Variants in FAT1 observed in about 807,000 individuals in gnomAD.
The protein encoded by FAT1 is FAT atypical cadherin 1, also known as protocadherin Fat 1.
FAT1 carries 171 observed loss-of-function variants against 329.8 expected under a neutral mutation model. The ratio of observed to expected loss-of-function variants is 0.52; its 90% CI spans 0.46 to 0.59. The LOEUF (loss-of-function observed/expected upper bound fraction) is 0.59, where lower values mean the gene tolerates loss of function less well. Ranked by LOEUF, FAT1 falls within the 20% of genes least tolerant of loss-of-function variation. FAT1 has a pLI of 0.00. For synonymous variants in FAT1, 2,233 were observed against 2,228.6 expected (o/e 1.00, Z -0.06); for missense variants, 5,672 against 5,774.4 (o/e 0.98, Z 0.57).
rs2126492656 is a variant in FAT1 at position 186,618,230 on chromosome 4, C to T, written c.8356G>A (p.Asp2786Asn). 1.9e-6 allele frequency: 3 copies of T among 1,614,034 alleles called. No homozygotes were observed. The highest frequency in any genetic ancestry group is 8.5e-7 in the Non-Finnish European group (1 of 1,179,910). ...FSILARCTQD[D>N]HEMVASVDVS... ...TCTACAGAAGCCACCATCTCATGGT[C>T]ATCTTGAGTGCACCTGGCCAGTATG... The change falls in exon 10 of 27, where the codon GAC (aspartate) becomes AAC (asparagine). Residue 2786 changes from aspartate (D) to asparagine (N), a missense_variant. By Grantham distance (23) the Asp-to-Asn change is conservative. This residue lies in a region of FAT1 where 3,966 missense variants were observed against 3,915.2 expected (regional missense o/e 1.01). Transcript: ENST00000441802.
intron 1 of FAT1, among the ~76,000 whole-genome samples, chr4:186,722,017 T>C (rs1745489295): frequency 6.6e-6 from 1 of 152,190 alleles, no homozygotes; most frequent in Non-Finnish European, 1.5e-5. Flanking sequence ...TTTGTATTTT[T>C]AGTAGAGACG....
Position 186,695,813 on chromosome 4 carries a change from C to T in FAT1, c.3265+10750G>A, listed in dbSNP as rs956182632. On this transcript the variant is annotated intron_variant, in intron 2 of 26. Coordinates refer to ENST00000441802, the MANE Select transcript of FAT1 (RefSeq NM_005245.4). ...CACACACACACACACATTTTTGAGACGGAGTTTCACTCTTGTCCCCCAGGC... is the reference window on the plus strand; with the variant it reads ...CACACACACACACACATTTTTGAGATGGAGTTTCACTCTTGTCCCCCAGGC... 5.6e-5 allele frequency among the ~76,000 whole-genome samples: 8 copies of T among 143,648 alleles called. No individual in the cohort carries two copies. The South Asian group carries it at 6.7e-4, about 12-fold the overall frequency. The allele number at this position is 143,648 out of a possible 152,430, so 94.2% of individuals were successfully genotyped here.
intron 6 of FAT1, among the ~76,000 whole-genome samples, 153 bp from the exon 7 acceptor site, chr4:186,633,976 A>G (rs937085531): frequency 6.6e-6 from 1 of 152,238 alleles, no homozygotes; most frequent in Admixed American, 6.5e-5. Context: ...AGAGTGGCCA[A>G]TTAGAAAGAC....
At chr4:186,713,156 T>C (rs1470500582) in intron 1 of FAT1, among the ~76,000 whole-genome samples, 1 of 151,876 alleles carries the variant, frequency 6.6e-6, no homozygotes, top group African/African-American at 2.4e-5. Flanking sequence ...AATTTGCTCA[T>C]TTTACCCAAG....
chr4:186,605,763 G>A (rs1007031676), intron 17 of FAT1, among the ~76,000 whole-genome samples: 2 of 148,072 alleles, frequency 1.4e-5, no homozygotes, highest in African/African-American at 5.0e-5. Context: ...AGAGGGAAGA[G>A]GAAGGTCAAG....
intron 2 of FAT1, among the ~76,000 whole-genome samples, chr4:186,682,341 A>G (rs1743254513): frequency 6.6e-6 from 1 of 152,116 alleles, no homozygotes; most frequent in African/African-American, 2.4e-5. Context: ...AGCCTGGTCA[A>G]CATGGGGAAA....
intron 1 of FAT1, among the ~76,000 whole-genome samples, chr4:186,718,760 C>T (rs775043855): frequency 1.3e-5 from 2 of 152,138 alleles, no homozygotes; most frequent in Non-Finnish European, 2.9e-5. Context: ...TTTATACTGG[C>T]AAAGATCGCA....
intron 2 of FAT1, among the ~76,000 whole-genome samples, chr4:186,705,168 T>C (rs1373298503): frequency 6.7e-6 from 1 of 149,794 alleles, no homozygotes; most frequent in East Asian, 2.0e-4. Flanking sequence ...GGTCTTGAAC[T>C]CCTGGCCTCA....
At position 186,633,795 on chromosome 4, in the gene FAT1, C is replaced by T. The variant is rs1236832954; in HGVS notation, c.4212G>A (p.Val1404=). 1.4e-5 allele frequency: 22 copies of T among 1,613,788 alleles called. No homozygotes were observed. The highest frequency in any genetic ancestry group is 1.8e-5 in the Non-Finnish European group (21 of 1,179,874). ...TGGNYDSHFD[V]DKGTGTIIVA... Reference sequence around the variant, plus strand: ...CAATGATGGTTCCAGTTCCCTTGTCCACATCGAAGTGACTGTCGTAGTTGC... The same window carrying T: ...CAATGATGGTTCCAGTTCCCTTGTCTACATCGAAGTGACTGTCGTAGTTGC... Residue 1404 remains valine (V), a synonymous_variant, in exon 7 of 27, where the codon GTG becomes GTA. Coordinates refer to ENST00000441802, the MANE Select transcript of FAT1 (RefSeq NM_005245.4).
At position 186,619,710 on chromosome 4, in the gene FAT1, C is replaced by T. The variant is rs1172027889; in HGVS notation, c.6876G>A (p.Leu2292=). Residue 2292 remains leucine (L), a synonymous_variant, in exon 10 of 27, where the codon CTG becomes CTA. Transcript: ENST00000441802. ...ACGTTCCAATTACAGATGCCTCAGA[C>T]AGGGTCACCGCATAAGACTGCTGAG... ...VFAQQSYAVT[L]SEASVIGTSV... The T allele has an allele frequency of 4.3e-6, 7 of 1,614,026 alleles. No homozygotes were observed. Among genetic ancestry groups the T allele is most frequent in the Non-Finnish European group, 5.9e-6 (7 of 1,179,902 alleles).
rs1451488992 is a variant in FAT1, at chr4:186,595,708, G to A, written c.13119C>T (p.Ser4373=). Residue 4373 remains serine, a synonymous_variant, in exon 26 of 27, where the codon TCC becomes TCT. Transcript: ENST00000441802. ...CCTCACCATTGTCATCGCACGATTC[G>A]GACTGGAAGGAGCTCAGAGACTGCA... is the stretch of plus-strand genomic sequence containing the variant. ...SEVQSLSSFQ[S]ESCDDNGYHW... 5 of 1,613,964 alleles carry A rather than the reference G, an allele frequency of 3.1e-6. No individual in the cohort carries two copies. The highest frequency in any genetic ancestry group is 1.3e-5 in the African/African-American group (1 of 75,040).
rs2126437914 is a variant in FAT1 at position 186,604,385 on chromosome 4, G to A, written c.10540C>T (p.Gln3514Ter). The change falls in exon 18 of 27, where the codon CAG becomes TAG. Residue 3514 changes from glutamine (Q) to a stop codon, truncating the protein, a stop_gained. Transcript: ENST00000441802. LOFTEE classifies it high-confidence loss of function. ...AAGAAAGCCATTCATACCTTCACCTGCAGTAAGTAATGATCTTTCTCCTTC... is the reference window on the plus strand; with the variant it reads ...AAGAAAGCCATTCATACCTTCACCTACAGTAAGTAATGATCTTTCTCCTTC... ...KRKEKDHYLLQVKVADNGKPQ... is the reference protein window; with the variant it reads ...KRKEKDHYLL The A allele has an allele frequency of 2.5e-6, 4 of 1,612,184 alleles. No homozygotes were observed. The highest frequency in any genetic ancestry group is 3.4e-6 in the Non-Finnish European group (4 of 1,178,976).
chr4:186,628,402 T>C (rs749071119), intron 8 of FAT1, 38 bp from the exon 9 acceptor site: 7 of 1,610,176 alleles, frequency 4.3e-6, no homozygotes, highest in Non-Finnish European at 5.9e-6. Flanking sequence ...CCATTGGTGC[T>C]TTCCTTATAA....
rs1410593743 is a variant in FAT1 at position 186,619,487 on chromosome 4, T to C, written c.7099A>G (p.Met2367Val). Residue 2367 changes from methionine to valine, a missense_variant, in exon 10 of 27, where the codon ATG (methionine) becomes GTG (valine). Around this residue, in one of 2 missense-constraint regions of FAT1, gnomAD observed 3,966 missense variants for 3,915.2 expected, o/e 1.01. Coordinates refer to ENST00000441802, the MANE Select transcript of FAT1 (RefSeq NM_005245.4). ...TIFVRAVDGGMPTLSSDVIVT... is the reference protein window; with the variant it reads ...TIFVRAVDGGVPTLSSDVIVT... The stretch of plus-strand genomic sequence containing the variant: ...ATCACATCACTGCTCAGCGTGGGCA[T>C]ACCACCATCAACTGCCCTCACAAAA... 6.2e-7 allele frequency: 1 copy of C among 1,613,938 alleles called. No individual in the cohort carries two copies. Among genetic ancestry groups the C allele is most frequent in the Non-Finnish European group, 8.5e-7 (1 of 1,179,884 alleles).
At position 186,637,236 on chromosome 4, in the gene FAT1, C is replaced by T. The variant is rs543832670; in HGVS notation, c.3643-322G>A. ...GAACCTCACCCAAATGTTAAGCTAC[C>T]AAAAACTTAATACCTTTAGGCCATG... On this transcript the variant is annotated intron_variant, in intron 4 of 26. Coordinates refer to ENST00000441802, the MANE Select transcript of FAT1 (RefSeq NM_005245.4). 1.4e-3 allele frequency among the ~76,000 whole-genome samples: 219 copies of T among 152,206 alleles called. 1 individual carries two copies. The highest frequency in any genetic ancestry group is 4.9e-3 in the African/African-American group (204 of 41,542).
intron 3 of FAT1, among the ~76,000 whole-genome samples, chr4:186,658,764 A>T (rs959809141): frequency 2.0e-5 from 3 of 151,824 alleles, no homozygotes; most frequent in Admixed American, 6.6e-5. Context: ...TCAGCCCAGT[A>T]CCCGTTCCAA....
At chr4:186,623,789 CTG>C (rs1224467138) in intron 9 of FAT1, among the ~76,000 whole-genome samples, 1 of 152,208 alleles carries the variant, frequency 6.6e-6, no homozygotes, top group African/African-American at 2.4e-5. Flanking sequence ...CTTACTGTTT[CTG>C]TCTCATCGCC....
rs188924395 is a variant in FAT1, at chr4:186,705,842, C to T, written c.3265+721G>A. 1.4e-4 allele frequency among the ~76,000 whole-genome samples: 22 copies of T among 152,362 alleles called. No homozygotes were observed. The East Asian group carries it at 3.3e-3, about 23-fold the overall frequency. ...TGCTACCATGAATAAACCTACCACA[C>T]GTCAGGAGTTTTCCCGTGTTATTTC... On this transcript the variant is annotated intron_variant, in intron 2 of 26. Transcript: ENST00000441802.
intron 2 of FAT1, among the ~76,000 whole-genome samples, chr4:186,688,437 T>G (rs535642136): frequency 3.3e-4 from 50 of 152,256 alleles, no homozygotes; most frequent in African/African-American, 1.2e-3. Flanking sequence ...ATGTGGTCCT[T>G]TCACAGGGGC....
Sources: allele counts gnomAD v4.1 joint callset (sites outside exome capture counted in the v4.1 genomes callset), GRCh38; gene constraint gnomAD v4.1.1; regional missense constraint gnomAD v4.1.1; transcripts MANE v1.5; gene names NCBI Gene and HGNC (gene_info 2026-07-23, HGNC 2026-07-21).